The following LINGO2 variants were observed in gnomAD, a reference collection of about 807,000 sequenced individuals.
LINGO2 encodes leucine rich repeat and Ig domain containing 2.
LINGO2 carries 14 observed loss-of-function variants against 30.6 expected under a neutral mutation model. The observed-to-expected ratio is 0.46, with a 90% CI of 0.30 to 0.72. The LOEUF is 0.72. LINGO2 is among the 30% of genes least tolerant of loss of function. The probability of loss-of-function intolerance (pLI) is 0.07; values close to 1 mark genes in which losing one functional copy is unlikely to be tolerated. For synonymous variants in LINGO2, 317 were observed against 288.5 expected (o/e 1.10, Z -1.00); for missense variants, 729 against 751.7 (o/e 0.97, Z 0.35).
At position 28,466,094 on chromosome 9, in the gene LINGO2, C is replaced by T. The variant is rs114472391; in HGVS notation, c.-279+9846G>A. On this transcript the variant is annotated intron_variant, in intron 2 of 5. Coordinates refer to ENST00000379992, the Ensembl canonical transcript of LINGO2. ...CTAAAAACAGAGCTACCATATAATC[C>T]AGCTATTCCACTGCTAGGTAGATAC... is the stretch of plus-strand genomic sequence containing the variant. Among the ~76,000 whole-genome samples, 1,438 of 152,102 alleles carry T rather than the reference C, an allele frequency of 9.5e-3. 23 individuals are homozygous for T. Among genetic ancestry groups the T allele is most frequent in the African/African-American group, 0.033 (1,355 of 41,490 alleles).
At chr9:29,091,947 C>A in the LINGO2 span, among the ~76,000 whole-genome samples, 2,627 of 152,000 alleles carry the variant, frequency 0.017, 81 homozygotes, top group African/African-American at 0.061. Flanking sequence ...AGTACTAAAT[C>A]GCAACTGATT....
At chr9:27,969,987 C>T (rs551995498) in intron 5 of LINGO2, among the ~76,000 whole-genome samples, 41 of 152,292 alleles carry the variant, frequency 2.7e-4, no homozygotes, top group African/African-American at 7.7e-4. Context: ...ATTTATTATA[C>T]AATTTACTAG....
At chr9:28,889,031 T>C in the LINGO2 span, 1 of 447,288 alleles carries the variant, frequency 2.2e-6, no homozygotes, top group South Asian at 1.6e-5. Flanking sequence ...AATACAGTAA[T>C]CTGTTCCCCT....
chr9:28,539,752 A>C (rs1821593459), intron 1 of LINGO2, among the ~76,000 whole-genome samples: 1 of 152,198 alleles, frequency 6.6e-6, no homozygotes, highest in African/African-American at 2.4e-5. Flanking sequence ...TGATGCTAAA[A>C]GGACAAGGTG....
intron 3 of LINGO2, among the ~76,000 whole-genome samples, chr9:28,372,266 T>A (rs1403716487): frequency 6.6e-6 from 1 of 152,220 alleles, no homozygotes; most frequent in Admixed American, 6.5e-5. Flanking sequence ...AAACATAATG[T>A]TTTCTAATAG....
chr9:28,988,349 C>T, the LINGO2 span, among the ~76,000 whole-genome samples: 5 of 151,850 alleles, frequency 3.3e-5, no homozygotes, highest in East Asian at 9.7e-4. Flanking sequence ...GAATAGCTAC[C>T]CCTGCTTTCT....
At chr9:27,975,192 G>C (rs1803575503) in intron 5 of LINGO2, among the ~76,000 whole-genome samples, 1 of 152,038 alleles carries the variant, frequency 6.6e-6, no homozygotes, top group Non-Finnish European at 1.5e-5. Context: ...ACATTTTTTG[G>C]TTACTGGCAA....
chr9:28,712,489 A>G, the LINGO2 span, among the ~76,000 whole-genome samples: 1 of 151,296 alleles, frequency 6.6e-6, no homozygotes, highest in African/African-American at 2.4e-5. Flanking sequence ...CTCTGAATCT[A>G]GAATGCCTAT....
chr9:29,056,577 G>A, the LINGO2 span, among the ~76,000 whole-genome samples: 1 of 152,110 alleles, frequency 6.6e-6, no homozygotes, highest in Admixed American at 6.5e-5. Context: ...CTTTTGCTCT[G>A]CAGAAGCTTT....
chr9:29,166,435 AG>A, the LINGO2 span, among the ~76,000 whole-genome samples: 1 of 152,106 alleles, frequency 6.6e-6, no homozygotes, highest in African/African-American at 2.4e-5. Flanking sequence ...CGAACTCTCC[AG>A]TTATAGAGTC....
chr9:28,793,266 T>C, the LINGO2 span, among the ~76,000 whole-genome samples: 1 of 152,182 alleles, frequency 6.6e-6, no homozygotes, highest in African/African-American at 2.4e-5. Context: ...ATTTTTGTTT[T>C]CTGTATTTTA....
chr9:29,021,748 A>AAG, the LINGO2 span, among the ~76,000 whole-genome samples: 4 of 137,148 alleles, frequency 2.9e-5, no homozygotes, highest in Non-Finnish European at 6.4e-5. Context: ...AAGGAAGGAA[A>AAG]GCATTGACTA....
chr9:29,089,564 C>CT, the LINGO2 span, among the ~76,000 whole-genome samples: 1 of 152,050 alleles, frequency 6.6e-6, no homozygotes, highest in East Asian at 1.9e-4. Context: ...AGTTTATATA[C>CT]TCTCATTCTC....
At chr9:28,455,241 A>G (rs997524188) in intron 2 of LINGO2, among the ~76,000 whole-genome samples, 5 of 151,990 alleles carry the variant, frequency 3.3e-5, no homozygotes, top group African/African-American at 1.2e-4. Flanking sequence ...TGAGTTCATA[A>G]TTTTTCCAGA....
the LINGO2 span, among the ~76,000 whole-genome samples, chr9:28,712,812 A>C: frequency 6.6e-6 from 1 of 152,134 alleles, no homozygotes; most frequent in Non-Finnish European, 1.5e-5. Flanking sequence ...TAAGAAACAT[A>C]GAATTTAAAA....
intron 1 of LINGO2, among the ~76,000 whole-genome samples, chr9:28,655,343 C>T (rs1281537259): frequency 6.6e-6 from 1 of 152,030 alleles, no homozygotes; most frequent in East Asian, 1.9e-4. Flanking sequence ...CCTGCACCCC[C>T]ATTGTATCTA....
chr9:28,314,440 C>G (rs1014316418), intron 3 of LINGO2, among the ~76,000 whole-genome samples: 1 of 152,122 alleles, frequency 6.6e-6, no homozygotes, highest in African/African-American at 2.4e-5. Flanking sequence ...TGTACTCTAA[C>G]ACCTTCCTTC....
intron 1 of LINGO2, among the ~76,000 whole-genome samples, chr9:28,496,659 T>C (rs1181302336): frequency 1.3e-5 from 2 of 152,160 alleles, no homozygotes; most frequent in African/African-American, 4.8e-5. Flanking sequence ...TCCATTTACA[T>C]TTAAAGTTAA....
the LINGO2 span, among the ~76,000 whole-genome samples, chr9:29,029,545 C>T: frequency 6.6e-6 from 1 of 152,008 alleles, no homozygotes; most frequent in Non-Finnish European, 1.5e-5. Flanking sequence ...TTTGATTAGT[C>T]ATACTTAGAA....
Sources: gnomAD v4.1 joint callset for allele counts (sites outside exome capture counted in the v4.1 genomes callset) on GRCh38, gnomAD v4.1.1 for gene constraint, MANE v1.5 for transcripts, NCBI Gene and HGNC (gene_info 2026-07-23, HGNC 2026-07-21) for gene names.